PCDH9: variants seen among roughly 807,000 people sequenced by gnomAD.
PCDH9 encodes the protein protocadherin-9.
Under a neutral mutation model 70.6 loss-of-function variants are expected in PCDH9, and 24 were observed. The ratio of observed to expected loss-of-function variants is 0.34; its 90% confidence interval spans 0.25 to 0.48. PCDH9 has a LOEUF of 0.48. PCDH9 is among the 20% of genes least tolerant of loss of function. The pLI, the probability that PCDH9 is intolerant of heterozygous loss-of-function variation, is 0.99. For missense variants in PCDH9, 1,281 were observed against 1,503.6 expected (o/e 0.85, Z 2.45); for synonymous variants, 562 against 558.5 (o/e 1.01, Z -0.09).
chr13:66,621,205 G>A (rs2077417162), intron 4 of PCDH9, among the ~76,000 whole-genome samples: 1 of 152,128 alleles, frequency 6.6e-6, no homozygotes, highest in African/African-American at 2.4e-5. Context: ...ACAAAGTAAA[G>A]CAAAGATGAT....
At chr13:66,980,551 T>A (rs932382394) in intron 2 of PCDH9, among the ~76,000 whole-genome samples, 1 of 152,066 alleles carries the variant, frequency 6.6e-6, no homozygotes, top group Non-Finnish European at 1.5e-5. Context: ...TATAAGATAC[T>A]TCTTGATTTG....
At chr13:66,614,828 G>A (rs532905666) in intron 4 of PCDH9, among the ~76,000 whole-genome samples, 95 of 152,258 alleles carry the variant, frequency 6.2e-4, no homozygotes, top group Non-Finnish European at 1.1e-3. Context: ...AAGAGACAGG[G>A]TCATTTATAA....
intron 2 of PCDH9, among the ~76,000 whole-genome samples, chr13:67,029,035 T>G (rs564204782): frequency 6.6e-6 from 1 of 152,290 alleles, no homozygotes; most frequent in South Asian, 2.1e-4. Context: ...TAACTTTATT[T>G]AATCAGTAAC....
At chr13:66,499,337 A>G (rs1959165250) in intron 4 of PCDH9, among the ~76,000 whole-genome samples, 1 of 152,152 alleles carries the variant, frequency 6.6e-6, no homozygotes, top group African/African-American at 2.4e-5. Flanking sequence ...TAAATTTCTA[A>G]GATATACATA....
rs1457663407 is a variant in PCDH9, at chr13:66,819,786, C to T, written c.3138+83718G>A. On this transcript the variant is annotated intron_variant, in intron 3 of 4. Transcript: ENST00000377865. ...TGGCACCTGCCTCTGGTCCCAGCTA[C>T]TCAGGAGGCTGAGGTGGGAGGATGA... Among the ~76,000 whole-genome samples, 5 of 152,240 alleles carry T rather than the reference C, an allele frequency of 3.3e-5. No homozygotes were observed. The East Asian group carries it at 9.7e-4, about 29-fold the overall frequency.
At chr13:66,681,530 C>T (rs987183537) in intron 3 of PCDH9, among the ~76,000 whole-genome samples, 41 of 152,194 alleles carry the variant, frequency 2.7e-4, no homozygotes, top group Middle Eastern at 3.4e-3. Flanking sequence ...GAGCTATAAT[C>T]TCCACAGTCT....
At chr13:66,647,568 G>A (rs2077788912) in intron 3 of PCDH9, among the ~76,000 whole-genome samples, 1 of 152,134 alleles carries the variant, frequency 6.6e-6, no homozygotes, top group Admixed American at 6.5e-5. Flanking sequence ...ACTCACCATG[G>A]CCCTTGGGTG....
chr13:67,109,056 A>T (rs1402191997), intron 2 of PCDH9, among the ~76,000 whole-genome samples: 2 of 152,190 alleles, frequency 1.3e-5, no homozygotes, highest in Non-Finnish European at 2.9e-5. Flanking sequence ...TGTGTAAACT[A>T]AAATATAAAT....
rs554307507 is a variant in PCDH9 at position 66,949,018 on chromosome 13, ACTT to A, written c.3037-45416_3037-45414del. Among the ~76,000 whole-genome samples the A allele has an allele frequency of 2.4e-3, 369 of 152,160 alleles. 3 individuals carry two copies. Among genetic ancestry groups the A allele is most frequent in the African/African-American group, 8.6e-3 (359 of 41,520 alleles). The stretch of plus-strand genomic sequence containing the variant: ...ATCAGTGCTTAAAAGGAAAAAAAAA[ACTT>A]CTCTTAATCTTTTCAGTTCTTTCAT... On this transcript the variant is annotated intron_variant, in intron 2 of 4. Coordinates refer to ENST00000377865, the MANE Select transcript of PCDH9 (RefSeq NM_203487.3).
chr13:66,681,950 C>CATATATATATATATCTATATAT, intron 3 of PCDH9, among the ~76,000 whole-genome samples: 1 of 130,370 alleles, frequency 7.7e-6, no homozygotes, highest in Non-Finnish European at 1.6e-5. Flanking sequence ...TATATACAAA[C>CATATATATATATATCTATATAT]ATATATATAT....
chr13:66,855,739 C>T (rs1405053648), intron 3 of PCDH9, among the ~76,000 whole-genome samples: 1 of 151,938 alleles, frequency 6.6e-6, no homozygotes, highest in Non-Finnish European at 1.5e-5. Flanking sequence ...GCTGGGAAGT[C>T]AAACCCTTGG....
At chr13:66,903,709 A>G (rs1433035622) in intron 2 of PCDH9, 104 bp from the exon 3 acceptor site, 2 of 518,106 alleles carry the variant, frequency 3.9e-6, no homozygotes, top group Non-Finnish European at 7.1e-6. Flanking sequence ...ATACCACTTG[A>G]GCTAACAAGG....
At chr13:66,381,395 T>G (rs1386991481) in intron 4 of PCDH9, among the ~76,000 whole-genome samples, 1 of 152,222 alleles carries the variant, frequency 6.6e-6, no homozygotes, top group African/African-American at 2.4e-5. Flanking sequence ...ATAGTAAAAC[T>G]TATGTGTATA....
intron 4 of PCDH9, among the ~76,000 whole-genome samples, chr13:66,522,644 G>T (rs1415398823): frequency 1.3e-5 from 2 of 151,976 alleles, no homozygotes; most frequent in Admixed American, 1.3e-4. Flanking sequence ...CCAATGACAA[G>T]TGTCCTAGGG....
At chr13:66,566,921 A>T (rs963314252) in intron 4 of PCDH9, among the ~76,000 whole-genome samples, 2 of 152,102 alleles carry the variant, frequency 1.3e-5, no homozygotes. Context: ...GTATAAGCAT[A>T]TTGCAATTAG....
intron 3 of PCDH9, among the ~76,000 whole-genome samples, chr13:66,865,603 C>T (rs2081560297): frequency 6.6e-6 from 1 of 152,270 alleles, no homozygotes; most frequent in African/African-American, 2.4e-5. Context: ...TGGGTCTCTG[C>T]TAAGACACTT....
Position 67,021,500 on chromosome 13 carries a change from C to G in PCDH9, c.3037-117895G>C, listed in dbSNP as rs992998791. Among the ~76,000 whole-genome samples the G allele has an allele frequency of 2.0e-5, 3 of 152,192 alleles. No homozygotes were observed. The South Asian group carries it at 6.2e-4, about 32-fold the overall frequency. Reference sequence around the variant, plus strand: ...GAAATTACATAGTTTTTCTTTTATACTTCTGGGTTTAAAAGTTTATATGCC... The same window carrying G: ...GAAATTACATAGTTTTTCTTTTATAGTTCTGGGTTTAAAAGTTTATATGCC... On this transcript the variant is annotated intron_variant, in intron 2 of 4. Transcript: ENST00000377865.
At chr13:67,110,492 C>T (rs117871480) in intron 2 of PCDH9, among the ~76,000 whole-genome samples, 2,651 of 119,996 alleles carry the variant, frequency 0.022, 37 homozygotes, top group Middle Eastern at 0.055. Flanking sequence ...TCAGCCTGGG[C>T]GACAGAGACT....
chr13:67,011,460 T>G (rs905343778), intron 2 of PCDH9, among the ~76,000 whole-genome samples: 6 of 151,892 alleles, frequency 4.0e-5, no homozygotes, highest in African/African-American at 1.4e-4. Flanking sequence ...GCCAGAATGC[T>G]TTTCATTAGA....
Sources: allele counts gnomAD v4.1 joint callset (sites outside exome capture counted in the v4.1 genomes callset), GRCh38; gene constraint gnomAD v4.1.1; transcripts MANE v1.5; gene names NCBI Gene and HGNC (gene_info 2026-07-23, HGNC 2026-07-21).